The following PAFAH1B1 variants were observed in gnomAD, a reference collection of about 807,000 sequenced individuals.
The protein encoded by PAFAH1B1 is platelet-activating factor acetylhydrolase IB subunit beta.
A neutral mutation model predicts 57.5 loss-of-function variants in PAFAH1B1; 2 were observed. The observed-to-expected ratio is 0.03, with a 90% CI of 0.01 to 0.11. PAFAH1B1 has a LOEUF of 0.11. PAFAH1B1 is among the 10% of genes least tolerant of loss of function. PAFAH1B1 has a pLI of 1.00. For synonymous variants in PAFAH1B1, 152 were observed against 169.6 expected (o/e 0.90, Z 0.81); for missense variants, 257 against 512.0 (o/e 0.50, Z 4.81).
At chr17:2,676,904 T>C (rs1162202208) in intron 9 of PAFAH1B1, among the ~76,000 whole-genome samples, 1 of 152,222 alleles carries the variant, frequency 6.6e-6, no homozygotes, top group Non-Finnish European at 1.5e-5. Flanking sequence ...GGCTTACGCC[T>C]GTAATCCCAG....
rs560315747 is a variant in PAFAH1B1, at chr17:2,634,533, C to T, written c.-190-3566C>T. The stretch of plus-strand genomic sequence containing the variant: ...AGTCACTAGTCCTGTAAGATATACC[C>T]AGTAAACAACTTAAATGCATCTCAT... On this transcript the variant is annotated intron_variant, in intron 1 of 10. Coordinates refer to ENST00000397195, the MANE Select transcript of PAFAH1B1 (RefSeq NM_000430.4). Among the ~76,000 whole-genome samples, 128 of 152,308 alleles carry T rather than the reference C, an allele frequency of 8.4e-4. 2 individuals carry two copies. The highest frequency in any genetic ancestry group is 3.0e-3 in the African/African-American group (124 of 41,574).
At chr17:2,636,720 C>G (rs138339206) in intron 1 of PAFAH1B1, among the ~76,000 whole-genome samples, 1 of 152,038 alleles carries the variant, frequency 6.6e-6, no homozygotes, top group Non-Finnish European at 1.5e-5. Flanking sequence ...ATTTGAAACC[C>G]GAAGGTATGC....
chr17:2,659,380 T>G (rs1240131142), intron 2 of PAFAH1B1: 1 of 253,734 alleles, frequency 3.9e-6, no homozygotes, highest in Admixed American at 5.2e-5. Context: ...CTGCTAAAAA[T>G]GCAAAAATTA....
intron 2 of PAFAH1B1, among the ~76,000 whole-genome samples, chr17:2,642,659 C>A (rs931902684): frequency 6.6e-6 from 1 of 152,138 alleles, no homozygotes; most frequent in Non-Finnish European, 1.5e-5. Flanking sequence ...CTCATACTTC[C>A]ACGAAGACCA....
chr17:2,656,481 C>T (rs55639711), intron 2 of PAFAH1B1, among the ~76,000 whole-genome samples: 87,455 of 151,342 alleles, frequency 0.58, 27,884 homozygotes, highest in East Asian at 0.88. Context: ...GAAAGGGGCC[C>T]GGGACAAGTA....
In PAFAH1B1 at chr17:2,616,798, T is replaced by C. The variant is rs570264560; in HGVS notation, c.-190-21301T>C. On this transcript the variant is annotated intron_variant, in intron 1 of 10. Transcript: ENST00000397195. The stretch of plus-strand genomic sequence containing the variant: ...CAAAGGGCAGACCGGGTGCAGTGGC[T>C]CACGCCTGTAATCCCAGCACTTTGG... Among the ~76,000 whole-genome samples, 4 of 152,148 alleles carry C rather than the reference T, an allele frequency of 2.6e-5. No individual in the cohort carries two copies. The East Asian group carries it at 7.7e-4, about 29-fold the overall frequency.
Position 2,656,929 on chromosome 17 carries a change from G to GT in PAFAH1B1, c.33-8433dup, listed in dbSNP as rs1163910891. On this transcript the variant is annotated intron_variant, in intron 2 of 10. Coordinates refer to ENST00000397195, the MANE Select transcript of PAFAH1B1 (RefSeq NM_000430.4). Reference sequence around the variant, plus strand: ...TTTTAATGCCACCTGATTTAGAGCAGTTTTTTTTTTGAGACAGAGTCTCGC... The same window carrying GT: ...TTTTAATGCCACCTGATTTAGAGCAGTTTTTTTTTTTGAGACAGAGTCTCGC... Among the ~76,000 whole-genome samples the GT allele has an allele frequency of 4.5e-3, 674 of 149,286 alleles. 6 individuals are homozygous for GT. Among genetic ancestry groups the GT allele is most frequent in the African/African-American group, 0.015 (616 of 40,874 alleles).
intron 2 of PAFAH1B1, among the ~76,000 whole-genome samples, chr17:2,654,144 T>G (rs1039444026): frequency 6.6e-6 from 1 of 151,632 alleles, no homozygotes; most frequent in Admixed American, 6.6e-5. Context: ...TTTAATATGC[T>G]GCTTCTATCC....
chr17:2,664,566 A>G (rs1597566976), intron 2 of PAFAH1B1, among the ~76,000 whole-genome samples: 1 of 151,634 alleles, frequency 6.6e-6, no homozygotes, highest in Non-Finnish European at 1.5e-5. Context: ...CCACCACGCC[A>G]GCTAATTTTT....
intron 6 of PAFAH1B1, among the ~76,000 whole-genome samples, chr17:2,671,369 C>T (rs183089837): frequency 5.0e-4 from 76 of 151,852 alleles, no homozygotes; most frequent in African/African-American, 1.8e-3. Context: ...CCACCACGCC[C>T]GTCTAATTTT....
intron 1 of PAFAH1B1, among the ~76,000 whole-genome samples, chr17:2,599,734 T>C (rs1213466746): frequency 6.6e-6 from 1 of 152,184 alleles, no homozygotes; most frequent in African/African-American, 2.4e-5. Flanking sequence ...TTCTTAAGTA[T>C]AAAAAGTGAA....
At chr17:2,673,164 C>A (rs1273242889) in intron 7 of PAFAH1B1, among the ~76,000 whole-genome samples, 2 of 152,160 alleles carry the variant, frequency 1.3e-5, no homozygotes, top group African/African-American at 4.8e-5. Context: ...CCGGAATGAT[C>A]ATTATGACAG....
intron 1 of PAFAH1B1, chr17:2,609,622 C>T (rs1170651781): frequency 6.6e-6 from 1 of 151,836 alleles, no homozygotes; most frequent in Non-Finnish European, 1.5e-5. Flanking sequence ...AGCGATTCTC[C>T]TGTCTCAGCC....
intron 2 of PAFAH1B1, among the ~76,000 whole-genome samples, chr17:2,655,737 C>T (rs1395441542): frequency 6.6e-6 from 1 of 151,690 alleles, no homozygotes; most frequent in Non-Finnish European, 1.5e-5. Context: ...GTAAGATGTA[C>T]CACCCTCCAG....
intron 9 of PAFAH1B1, among the ~76,000 whole-genome samples, chr17:2,677,517 A>T (rs2069288505): frequency 6.6e-6 from 1 of 151,308 alleles, no homozygotes; most frequent in East Asian, 1.9e-4. Context: ...TCTCTGTAGG[A>T]TATGACAGAC....
chr17:2,625,737 G>A (rs2068481500), intron 1 of PAFAH1B1, among the ~76,000 whole-genome samples: 1 of 152,106 alleles, frequency 6.6e-6, no homozygotes, highest in South Asian at 2.1e-4. Context: ...ACCAGCCTAG[G>A]CAACATAGCG....
At chr17:2,648,026 TAAAGG>T (rs1468702249) in intron 2 of PAFAH1B1, among the ~76,000 whole-genome samples, 1 of 151,428 alleles carries the variant, frequency 6.6e-6, no homozygotes, top group Non-Finnish European at 1.5e-5. Context: ...AATAAATAAA[TAAAGG>T]AAAGAGGTTT....
intron 2 of PAFAH1B1, among the ~76,000 whole-genome samples, chr17:2,663,390 T>C (rs1233376807): frequency 6.6e-6 from 1 of 152,154 alleles, no homozygotes; most frequent in East Asian, 1.9e-4. Context: ...TGTTTTGTTT[T>C]GTTTGTTGTT....
chr17:2,600,452 C>T (rs772026363), intron 1 of PAFAH1B1, among the ~76,000 whole-genome samples: 64 of 151,166 alleles, frequency 4.2e-4, no homozygotes, highest in Middle Eastern at 3.4e-3. Context: ...TGCCTGTAAT[C>T]CCAGCTACTT....
Sources: gnomAD v4.1 joint callset for allele counts (sites outside exome capture counted in the v4.1 genomes callset) on GRCh38, gnomAD v4.1.1 for gene constraint, MANE v1.5 for transcripts, NCBI Gene and HGNC (gene_info 2026-07-23, HGNC 2026-07-21) for gene names.